Variants in PCCA observed in about 807,000 individuals in gnomAD.
PCCA encodes the protein propionyl-CoA carboxylase subunit alpha, also known as propionyl-CoA carboxylase alpha chain, mitochondrial.
Under a neutral mutation model 101.3 loss-of-function variants are expected in PCCA, and 74 were observed. That is an observed-to-expected ratio of 0.73 (90% CI 0.61 to 0.89). The LOEUF (loss-of-function observed/expected upper bound fraction) is 0.89. Among genes scored for constraint, PCCA ranks in the 40% least tolerant of loss-of-function variants. The probability of loss-of-function intolerance (pLI) is 0.00; values close to 1 mark genes in which losing one functional copy is unlikely to be tolerated. For missense variants in PCCA, 891 were observed against 907.0 expected, an observed-to-expected ratio of 0.98 and a Z score of 0.23; for synonymous variants, 294 against 313.6, an observed-to-expected ratio of 0.94 and a Z score of 0.66.
chr13:100,494,504 A>C (rs1325801650), intron 21 of PCCA, among the ~76,000 whole-genome samples: 1 of 151,602 alleles, frequency 6.6e-6, no homozygotes, highest in East Asian at 2.0e-4. Context: ...ACCAACATGG[A>C]GAAACCCTGC....
At chr13:100,349,826 CAGT>C (rs1400818635) in intron 18 of PCCA, among the ~76,000 whole-genome samples, 3 of 152,172 alleles carry the variant, frequency 2.0e-5, no homozygotes, top group Admixed American at 6.5e-5. Flanking sequence ...CTTTCAGCCA[CAGT>C]AGCATAACGG....
chr13:100,453,330 G>T (rs964274971), intron 21 of PCCA, among the ~76,000 whole-genome samples: 3 of 152,048 alleles, frequency 2.0e-5, no homozygotes, highest in Admixed American at 2.0e-4. Context: ...GTGAAACCCT[G>T]TTTCTACTAA....
At chr13:100,093,834 G>A (rs1566447787) in intron 1 of PCCA, among the ~76,000 whole-genome samples, 1 of 152,168 alleles carries the variant, frequency 6.6e-6, no homozygotes, top group Non-Finnish European at 1.5e-5. Flanking sequence ...AGGTACTTGG[G>A]AGGCTGAGGA....
chr13:100,210,321 A>C (rs6491554), intron 7 of PCCA, among the ~76,000 whole-genome samples: 1 of 152,188 alleles, frequency 6.6e-6, no homozygotes, highest in African/African-American at 2.4e-5. Flanking sequence ...AGAGTGAGAA[A>C]CTGTTTGAGC....
chr13:100,249,411 G>C (rs894229624), intron 8 of PCCA, among the ~76,000 whole-genome samples: 1 of 152,150 alleles, frequency 6.6e-6, no homozygotes, highest in Non-Finnish European at 1.5e-5. Context: ...GTATTTGTGT[G>C]GGTCTACTTC....
At chr13:100,498,957 A>G (rs2085469834) in intron 21 of PCCA, among the ~76,000 whole-genome samples, 1 of 152,172 alleles carries the variant, frequency 6.6e-6, no homozygotes, top group Non-Finnish European at 1.5e-5. Context: ...TTAACAAGGC[A>G]TTGATTTGGT....
intron 12 of PCCA, among the ~76,000 whole-genome samples, chr13:100,277,189 T>C (rs772396859): frequency 1.7e-4 from 26 of 152,132 alleles, no homozygotes; most frequent in Non-Finnish European, 8.8e-5. Flanking sequence ...TATCTTGAGG[T>C]TGCATTCCTT....
intron 16 of PCCA, among the ~76,000 whole-genome samples, chr13:100,318,380 G>A (rs191487237): frequency 6.2e-4 from 94 of 151,972 alleles, no homozygotes; most frequent in African/African-American, 2.1e-3. Flanking sequence ...TTCTAACAAC[G>A]TGCAGGTTTG....
intron 20 of PCCA, among the ~76,000 whole-genome samples, chr13:100,442,450 G>A (rs565595933): frequency 1.5e-4 from 23 of 152,310 alleles, no homozygotes; most frequent in African/African-American, 5.5e-4. Context: ...CATTGATACA[G>A]TTTGTTTTTA....
intron 21 of PCCA, chr13:100,464,690 A>G (rs1359099541): frequency 1.3e-5 from 2 of 152,232 alleles, no homozygotes; most frequent in African/African-American, 4.8e-5. Context: ...TATGGAATAG[A>G]AAGCACATAC....
Position 100,262,777 on chromosome 13 carries a change from T to C in PCCA, c.765T>C (p.Asp255=), listed in dbSNP as rs1328516674. 6.3e-7 allele frequency: 1 copy of C among 1,594,160 alleles called. No individual in the cohort carries two copies. The highest frequency in any genetic ancestry group is 8.6e-7 in the Non-Finnish European group (1 of 1,163,246). The change falls in exon 10 of 24, where the codon GAT becomes GAC. Residue 255 remains aspartate, a synonymous_variant. Transcript: ENST00000376285. ...SSQEAASSFG[D]DRLLIEKFID... ...AAGAAGCTGCTTCTAGTTTTGGCGA[T>C]GATAGACTACTAATAGAAAAATTTA...
At chr13:100,232,348 A>ATACGTG (rs2060526683) in intron 7 of PCCA, among the ~76,000 whole-genome samples, 1 of 60,384 alleles carries the variant, frequency 1.7e-5, no homozygotes, top group Non-Finnish European at 4.1e-5. Flanking sequence ...GTGTGTGTGT[A>ATACGTG]TGCGTGTGTG....
chr13:100,490,913 C>T (rs764747752), intron 21 of PCCA: 3 of 152,346 alleles, frequency 2.0e-5, no homozygotes, highest in Non-Finnish European at 4.4e-5. Flanking sequence ...GCCCAGAACC[C>T]TCTTACCCCC....
intron 7 of PCCA, among the ~76,000 whole-genome samples, chr13:100,234,139 T>A (rs1199593755): frequency 6.6e-6 from 1 of 152,212 alleles, no homozygotes; most frequent in East Asian, 1.9e-4. Flanking sequence ...TGTATTTTGT[T>A]CAAGAGGCAC....
chr13:100,426,638 G>A (rs1310863660), intron 20 of PCCA, among the ~76,000 whole-genome samples: 1 of 152,140 alleles, frequency 6.6e-6, no homozygotes, highest in Non-Finnish European at 1.5e-5. Context: ...TTCTAAGTCA[G>A]TTTCAATTGA....
intron 17 of PCCA, among the ~76,000 whole-genome samples, chr13:100,335,599 A>G (rs1332624810): frequency 6.6e-6 from 1 of 152,068 alleles, no homozygotes; most frequent in East Asian, 1.9e-4. Flanking sequence ...GAGTAAGGCG[A>G]CTCTCTTTCC....
chr13:100,114,422 G>A (rs1373323766), intron 4 of PCCA, among the ~76,000 whole-genome samples: 1 of 152,070 alleles, frequency 6.6e-6, no homozygotes, highest in Admixed American at 6.6e-5. Context: ...GGCTAAGATG[G>A]TGAAACCCTG....
chr13:100,133,303 G>A (rs1380549319), intron 4 of PCCA, among the ~76,000 whole-genome samples: 6 of 152,158 alleles, frequency 3.9e-5, no homozygotes, highest in Admixed American at 3.9e-4. Context: ...CAGGTCCTTT[G>A]TTGGATGTAT....
At chr13:100,115,909 A>G (rs1025850292) in intron 4 of PCCA, among the ~76,000 whole-genome samples, 7 of 152,178 alleles carry the variant, frequency 4.6e-5, no homozygotes, top group African/African-American at 1.7e-4. Context: ...CTCAGTCAAA[A>G]CTTTCTCTTA....
Sources: gnomAD v4.1 joint callset for allele counts (sites outside exome capture counted in the v4.1 genomes callset) on GRCh38, gnomAD v4.1.1 for gene constraint, MANE v1.5 for transcripts, NCBI Gene and HGNC (gene_info 2026-07-23, HGNC 2026-07-21) for gene names.